Variants in ATP1A1 observed in about 807,000 individuals in gnomAD.
ATP1A1 encodes ATPase Na+/K+ transporting subunit alpha 1.
Under a neutral mutation model 114.8 loss-of-function variants are expected in ATP1A1, and 14 were observed. That is an observed-to-expected ratio of 0.12 (90% confidence interval 0.08 to 0.19). The LOEUF (loss-of-function observed/expected upper bound fraction) is 0.19, where lower values mean the gene tolerates loss of function less well. Ranked by LOEUF, ATP1A1 falls within the 10% of genes least tolerant of loss-of-function variation. The pLI, the probability that ATP1A1 is intolerant of heterozygous loss-of-function variation, is 1.00. For missense variants in ATP1A1, 524 were observed against 1,290.7 expected (o/e 0.41, Z 9.10); for synonymous variants, 471 against 466.3 (o/e 1.01, Z -0.13).
In ATP1A1 at chr1:116,404,089, C is replaced by A; in HGVS notation, c.3043+114C>A. 1 of 1,012,326 alleles carries A rather than the reference C, an allele frequency of 9.9e-7. No individual in the cohort carries two copies. Among genetic ancestry groups the A allele is most frequent in the Non-Finnish European group, 1.5e-6 (1 of 677,930 alleles). 62.7% of individuals were successfully genotyped at this position (1,012,326 alleles called of 1,614,324 possible). A position where few individuals can be genotyped will look rare whatever the true frequency, so the allele number is the denominator to read the frequency against. On this transcript the variant is annotated intron_variant, in intron 22 of 22. Transcript: ENST00000295598. This position sits in a 1 kb window ranked among gnomAD's most constrained non-coding sequence, Gnocchi z 4.8. ...CTCCCTCAGTGGTCAGTCTGATTAG[C>A]TAAGGTGACTGGACCAGCAAACTGA...
chr1:116,384,055 A>G lies in ATP1A1; in HGVS notation c.54A>G (p.Gln18=), dbSNP rs1249533164. ...DKYEPAAVSE[Q]GDKKGKKGKK... Reference sequence around the variant, plus strand: ...ATGAGCCTGCAGCTGTTTCAGAACAAGGTGATAAAAAGGGCAAAAAGGGCA... The same window carrying G: ...ATGAGCCTGCAGCTGTTTCAGAACAGGGTGATAAAAAGGGCAAAAAGGGCA... Residue 18 remains glutamine, a synonymous_variant, in exon 2 of 23, where the codon CAA becomes CAG. Transcript: ENST00000295598. The surrounding 1 kb of genome is among the most constrained non-coding windows in gnomAD (Gnocchi z 5.1). 2 of 1,614,022 alleles carry G rather than the reference A, an allele frequency of 1.2e-6. No homozygotes were observed. Among genetic ancestry groups the G allele is most frequent in the East Asian group, 2.2e-5 (1 of 44,874 alleles).
At chr1:116,382,048 G>A (rs1036072117) in intron 1 of ATP1A1, among the ~76,000 whole-genome samples, 1 of 152,076 alleles carries the variant, frequency 6.6e-6, no homozygotes, top group African/African-American at 2.4e-5. Flanking sequence ...GGTGGCGAGC[G>A]CCTATAATCC....
At chr1:116,376,140 GT>G in intron 1 of ATP1A1, among the ~76,000 whole-genome samples, 1 of 152,262 alleles carries the variant, frequency 6.6e-6, no homozygotes, top group Non-Finnish European at 1.5e-5. Context: ...TCTCAAGTGT[GT>G]AAAAGATGAG....
In ATP1A1 at chr1:116,387,245, G is replaced by A; in HGVS notation, c.184-43G>A. ...ACCAGGTAGGTATATTGCCTTGTAA[G>A]TGCTGGTACAGTTTGCCTTATTTAT... On this transcript the variant is annotated intron_variant, in intron 3 of 22. Transcript: ENST00000295598. This position sits in a 1 kb window ranked among gnomAD's most constrained non-coding sequence, Gnocchi z 6.7. 1 of 1,609,814 alleles carries A rather than the reference G, an allele frequency of 6.2e-7. No individual in the cohort carries two copies. Among genetic ancestry groups the A allele is most frequent in the Non-Finnish European group, 8.5e-7 (1 of 1,177,556 alleles).
Position 116,401,715 on chromosome 1 carries a change from C to A in ATP1A1, c.2951+60C>A. On this transcript the variant is annotated intron_variant, in intron 21 of 22. Transcript: ENST00000295598. This position sits in a 1 kb window ranked among gnomAD's most constrained non-coding sequence, Gnocchi z 4.7. ...AAATAGTATGTGTGGCTTTTCCCCC[C>A]ATTACTTGTGGTAATAGTTGTTATT... is the stretch of plus-strand genomic sequence containing the variant. 2 of 1,507,970 alleles carry A rather than the reference C, an allele frequency of 1.3e-6. No homozygotes were observed. Among genetic ancestry groups the A allele is most frequent in the Non-Finnish European group, 1.8e-6 (2 of 1,089,832 alleles). The allele number at this position is 1,507,970 out of a possible 1,614,324, so 93.4% of individuals were successfully genotyped here.
intron 1 of ATP1A1, among the ~76,000 whole-genome samples, chr1:116,380,646 A>T (rs1393710486): frequency 6.6e-6 from 1 of 152,136 alleles, no homozygotes; most frequent in Non-Finnish European, 1.5e-5. Context: ...GGGATGTCTC[A>T]CTCATTGTGA....
Position 116,393,114 on chromosome 1 carries a change from C to T in ATP1A1, c.1467+126C>T. The T allele has an allele frequency of 7.3e-7, 1 of 1,374,870 alleles. No individual in the cohort carries two copies. Among genetic ancestry groups the T allele is most frequent in the Non-Finnish European group, 9.8e-7 (1 of 1,019,478 alleles). The allele number at this position is 1,374,870 out of a possible 1,614,324, so 85.2% of individuals were successfully genotyped here. ...ATAAGCTTTAGCTTTAAATTTTGCC[C>T]TTGATTACCATAGAATGCCATAATT... On this transcript the variant is annotated intron_variant, in intron 11 of 22. Transcript: ENST00000295598. This position sits in a 1 kb window ranked among gnomAD's most constrained non-coding sequence, Gnocchi z 5.0.
Position 116,392,918 on chromosome 1 carries a change from C to T in ATP1A1, c.1397C>T (p.Ser466Phe). 6.2e-7 allele frequency: 1 copy of T among 1,614,080 alleles called. No individual in the cohort carries two copies. Among genetic ancestry groups the T allele is most frequent in the South Asian group, 1.1e-5 (1 of 91,076 alleles). Residue 466 changes from serine to phenylalanine, a missense_variant, in exon 11 of 23, where the codon TCC (serine) becomes TTC (phenylalanine). Ser to Phe is a radical substitution (Grantham distance 155). Transcript: ENST00000295598. ...AAGTGCATAGAGCTGTGCTGTGGTT[C>T]CGTGAAGGAGATGAGAGAAAGATAC... Reference protein sequence around the residue: ...LLKCIELCCGSVKEMRERYAK... With the variant: ...LLKCIELCCGFVKEMRERYAK...
At chr1:116,377,737 G>A (rs889696765) in intron 1 of ATP1A1, among the ~76,000 whole-genome samples, 9 of 152,336 alleles carry the variant, frequency 5.9e-5, no homozygotes, top group African/African-American at 2.2e-4. Context: ...CAGCCAACAG[G>A]CTAGAAGAAG....
chr1:116,384,880 GT>G lies in ATP1A1; in HGVS notation c.183+42del. 2 of 1,598,322 alleles carry G rather than the reference GT, an allele frequency of 1.3e-6. No homozygotes were observed. Among genetic ancestry groups the G allele is most frequent in the Non-Finnish European group, 1.7e-6 (2 of 1,165,916 alleles). On this transcript the variant is annotated intron_variant, in intron 3 of 22. Transcript: ENST00000295598. This position sits in a 1 kb window ranked among gnomAD's most constrained non-coding sequence, Gnocchi z 5.1. The stretch of plus-strand genomic sequence containing the variant: ...TTGAAAGCTGTTGTACAAAATCCTA[GT>G]TTTCCGTATTATATTTTCCCCTGTA...
chr1:116,384,119 T>G lies in ATP1A1; in HGVS notation c.118T>G (p.Ser40Ala). The stretch of plus-strand genomic sequence containing the variant: ...CATGGATGAACTGAAGAAAGAAGTT[T>G]CTATGGTAAGTACTAGGAGGAATAT... ...RDMDELKKEV[S>A]MDDHKLSLDE... The change falls in exon 2 of 23, where the codon TCT becomes GCT. Residue 40 changes from serine to alanine, a missense_variant. Transcript: ENST00000295598. The surrounding 1 kb of genome is among the most constrained non-coding windows in gnomAD (Gnocchi z 5.1). The G allele has an allele frequency of 6.2e-7, 1 of 1,612,694 alleles. No individual in the cohort carries two copies. Among genetic ancestry groups the G allele is most frequent in the Non-Finnish European group, 8.5e-7 (1 of 1,178,750 alleles).
At chr1:116,383,274 A>C (rs531070263) in intron 1 of ATP1A1, 68 of 832,350 alleles carry the variant, frequency 8.2e-5, no homozygotes, top group Non-Finnish European at 9.2e-5. Flanking sequence ...TTTATCTCTT[A>C]TGCAAAGAAT....
At position 116,393,619 on chromosome 1, in the gene ATP1A1, G is replaced by C; in HGVS notation, c.1556G>C (p.Ser519Thr). The C allele has an allele frequency of 6.2e-7, 1 of 1,614,180 alleles. No homozygotes were observed. The highest frequency in any genetic ancestry group is 8.5e-7 in the Non-Finnish European group (1 of 1,180,028). The change falls in exon 12 of 23, where the codon AGC (serine) becomes ACC (threonine). Residue 519 changes from serine (S) to threonine (T), a missense_variant. By Grantham distance (58) the Ser-to-Thr change is moderately conservative (BLOSUM62 1). Transcript: ENST00000295598. This position sits in a 1 kb window ranked among gnomAD's most constrained non-coding sequence, Gnocchi z 5.0. Reference protein sequence around the residue: ...GAPERILDRCSSILLHGKEQP... With the variant: ...GAPERILDRCTSILLHGKEQP... ...CCAGAAAGGATCCTAGACCGTTGCAGCTCTATCCTCCTCCACGGCAAGGAG... is the reference window on the plus strand; with the variant it reads ...CCAGAAAGGATCCTAGACCGTTGCACCTCTATCCTCCTCCACGGCAAGGAG...
chr1:116,393,637 G>C lies in ATP1A1; in HGVS notation c.1574G>C (p.Gly525Ala). The change falls in exon 12 of 23, where the codon GGC becomes GCC. Residue 525 changes from glycine to alanine, a missense_variant. This residue lies in a region of ATP1A1 where 143 missense variants were observed against 259.3 expected (regional missense o/e 0.55). Coordinates refer to ENST00000295598, the MANE Select transcript of ATP1A1 (RefSeq NM_000701.8). This position sits in a 1 kb window ranked among gnomAD's most constrained non-coding sequence, Gnocchi z 5.0. ...LDRCSSILLH[G>A]KEQPLDEELK... The stretch of plus-strand genomic sequence containing the variant: ...CGTTGCAGCTCTATCCTCCTCCACG[G>C]CAAGGAGCAGCCCCTGGATGAGGAG... The C allele has an allele frequency of 6.2e-7, 1 of 1,614,128 alleles. No individual in the cohort carries two copies. Among genetic ancestry groups the C allele is most frequent in the Non-Finnish European group, 8.5e-7 (1 of 1,180,016 alleles).
Position 116,399,586 on chromosome 1 carries a change from T to C in ATP1A1, c.2572+43T>C. The stretch of plus-strand genomic sequence containing the variant: ...GTGGGAAGCTGGCACATCTAAGGCA[T>C]CTGAGGTGATGGTGTCCACCTCAGG... On this transcript the variant is annotated intron_variant, in intron 18 of 22. Coordinates refer to ENST00000295598, the MANE Select transcript of ATP1A1 (RefSeq NM_000701.8). This position sits in a 1 kb window ranked among gnomAD's most constrained non-coding sequence, Gnocchi z 5.0. 6.2e-7 allele frequency: 1 copy of C among 1,611,016 alleles called. No homozygotes were observed. Among genetic ancestry groups the C allele is most frequent in the Non-Finnish European group, 8.5e-7 (1 of 1,178,414 alleles).
intron 1 of ATP1A1, chr1:116,373,796 G>C: frequency 8.2e-7 from 1 of 1,224,002 alleles, no homozygotes. Flanking sequence ...GCGCGCCCCG[G>C]AGGCCGAGCG....
In ATP1A1 at chr1:116,387,446, T is replaced by C; in HGVS notation, c.342T>C (p.Ala114=). The change falls in exon 4 of 23, where the codon GCT becomes GCC. Residue 114 remains alanine, a synonymous_variant. Transcript: ENST00000295598. This position sits in a 1 kb window ranked among gnomAD's most constrained non-coding sequence, Gnocchi z 6.7. Reference sequence around the variant, plus strand: ...TTGGAGCGATTCTTTGTTTCTTGGCTTATAGCATCCAAGCTGCTACAGAAG... The same window carrying C: ...TTGGAGCGATTCTTTGTTTCTTGGCCTATAGCATCCAAGCTGCTACAGAAG... ...LWIGAILCFL[A]YSIQAATEEE... 1 of 1,614,210 alleles carries C rather than the reference T, an allele frequency of 6.2e-7. No individual in the cohort carries two copies. The highest frequency in any genetic ancestry group is 1.1e-5 in the South Asian group (1 of 91,078).
At chr1:116,376,272 A>G (rs1028470516) in intron 1 of ATP1A1, among the ~76,000 whole-genome samples, 7 of 152,218 alleles carry the variant, frequency 4.6e-5, no homozygotes, top group Non-Finnish European at 1.0e-4. Flanking sequence ...AAAAGGTTCC[A>G]GTGAAGGTGG....
Position 116,395,343 on chromosome 1 carries a change from G to GT in ATP1A1, c.1836+59dup. The GT allele has an allele frequency of 6.4e-7, 1 of 1,571,830 alleles. No individual in the cohort carries two copies. The highest frequency in any genetic ancestry group is 8.6e-7 in the Non-Finnish European group (1 of 1,158,622). On this transcript the variant is annotated intron_variant, in intron 13 of 22. Coordinates refer to ENST00000295598, the MANE Select transcript of ATP1A1 (RefSeq NM_000701.8). This position sits in a 1 kb window ranked among gnomAD's most constrained non-coding sequence, Gnocchi z 6.4. ...TTAGTGCCTTGGGACACCCTACTCAGTGAATGTTGCCTTTTGAGGTCCAGA... is the reference window on the plus strand; with the variant it reads ...TTAGTGCCTTGGGACACCCTACTCAGTTGAATGTTGCCTTTTGAGGTCCAGA...
Sources: gnomAD v4.1 joint callset for allele counts (sites outside exome capture counted in the v4.1 genomes callset) on GRCh38, gnomAD v4.1.1 for gene constraint, gnomAD v4.1.1 regional missense constraint, Gnocchi (gnomAD v3.1) non-coding constraint, MANE v1.5 for transcripts, NCBI Gene and HGNC (gene_info 2026-07-23, HGNC 2026-07-21) for gene names.